EARS2: variants seen among roughly 807,000 people sequenced by gnomAD.
EARS2 encodes the protein nondiscriminating glutamyl-tRNA synthetase EARS2, mitochondrial.
A neutral mutation model predicts 54.1 loss-of-function variants in EARS2; 50 were observed. That is an observed-to-expected ratio of 0.92 (90% CI 0.74 to 1.17). EARS2 has a LOEUF of 1.17. Ranked by LOEUF, EARS2 falls within the 50% of genes most tolerant of loss-of-function variation. EARS2 has a pLI of 0.00. For synonymous variants in EARS2, 298 were observed against 281.0 expected, an observed-to-expected ratio of 1.06 and a Z score of -0.61; for missense variants, 673 against 675.0, an observed-to-expected ratio of 1.00 and a Z score of 0.03.
chr16:23,529,120 G>A (rs891118781), intron 7 of EARS2, among the ~76,000 whole-genome samples: 17 of 152,300 alleles, frequency 1.1e-4, no homozygotes, highest in Admixed American at 6.5e-4. Context: ...CTTTGGTTGC[G>A]TTTGTAATTG....
intron 3 of EARS2, among the ~76,000 whole-genome samples, chr16:23,543,421 A>AAAC (rs141806531): frequency 3.3e-5 from 5 of 150,422 alleles, no homozygotes; most frequent in East Asian, 1.9e-4. Context: ...CTATGAAAAA[A>AAAC]AACAACAACA....
chr16:23,554,783 C>T (rs980508677), intron 1 of EARS2, among the ~76,000 whole-genome samples: 6 of 152,226 alleles, frequency 3.9e-5, no homozygotes, highest in Non-Finnish European at 8.8e-5. Context: ...TTATTAGTTG[C>T]TACCCCTTGA....
rs1965168079 is a variant in EARS2 at position 23,523,155 on chromosome 16, GC to G, written c.*1215del. 1 of 152,294 alleles carries G rather than the reference GC, an allele frequency of 6.6e-6. No homozygotes were observed. Among genetic ancestry groups the G allele is most frequent in the South Asian group, 2.1e-4 (1 of 4,830 alleles). The allele number at this position is 152,294 out of a possible 1,614,324, so 9.4% of individuals were successfully genotyped here. A position where few individuals can be genotyped will look rare whatever the true frequency, so the allele number is the denominator to read the frequency against. On this transcript the variant is annotated 3_prime_UTR_variant, in exon 9 of 9. Transcript: ENST00000449606. ...CACACAAGGGTGTGAATAGAAGAAG[GC>G]AGGGATGGTTGGGGGCCAACTTAGA...
chr16:23,536,591 G>A (rs1965421426), intron 3 of EARS2, among the ~76,000 whole-genome samples: 1 of 152,076 alleles, frequency 6.6e-6, no homozygotes, highest in African/African-American at 2.4e-5. Flanking sequence ...GAGCCCAGGA[G>A]GTTGAGGCTG....
At chr16:23,557,176 G>A in intron 1 of EARS2, 29 bp downstream of exon 1, 1 of 1,504,732 alleles carries the variant, frequency 6.6e-7, no homozygotes, top group South Asian at 1.3e-5. Flanking sequence ...GGGGGCCTCG[G>A]CCTGTAGCGT....
At chr16:23,532,163 C>T (rs910606105) in intron 5 of EARS2, among the ~76,000 whole-genome samples, 5 of 152,104 alleles carry the variant, frequency 3.3e-5, no homozygotes, top group African/African-American at 4.8e-5. Flanking sequence ...TGAGTTGGAA[C>T]GATATTTGGA....
intron 3 of EARS2, 67 bp downstream of exon 3, chr16:23,544,447 T>C: frequency 1.4e-6 from 2 of 1,481,358 alleles, no homozygotes; most frequent in Non-Finnish European, 1.8e-6. Context: ...GGGAATTTCT[T>C]ACGCAGCACA....
intron 1 of EARS2, among the ~76,000 whole-genome samples, chr16:23,555,347 C>T (rs1310479423): frequency 6.6e-6 from 1 of 152,052 alleles, no homozygotes; most frequent in African/African-American, 2.4e-5. Flanking sequence ...ATTAGCTGGG[C>T]GTAGTGGTCA....
rs34422725 is a variant in EARS2 at position 23,550,435 on chromosome 16, C to CTTT, written c.295+1711_295+1713dup. 4.3e-3 allele frequency among the ~76,000 whole-genome samples: 429 copies of CTTT among 100,612 alleles called. 6 individuals carry two copies. The highest frequency in any genetic ancestry group is 8.8e-3 in the Middle Eastern group (1 of 114). The allele number at this position is 100,612 out of a possible 152,430, so 66.0% of individuals were successfully genotyped here. A position where few individuals can be genotyped will look rare whatever the true frequency, so the allele number is the denominator to read the frequency against. On this transcript the variant is annotated intron_variant, in intron 2 of 8. Transcript: ENST00000449606. ...TTTCCCTTGGCACTAAGCACATGGT[C>CTTT]TTTTTTTTTTTTTTTTTTTTGAGAC...
chr16:23,552,330 G>A, intron 1 of EARS2, 26 bp from the exon 2 acceptor site: 2 of 1,610,180 alleles, frequency 1.2e-6, no homozygotes, highest in East Asian at 2.2e-5. Flanking sequence ...GCTCAGATAA[G>A]ACAGGGAAGA....
intron 1 of EARS2, among the ~76,000 whole-genome samples, chr16:23,555,106 T>C (rs1266409505): frequency 6.6e-6 from 1 of 152,232 alleles, no homozygotes; most frequent in Non-Finnish European, 1.5e-5. Context: ...GTGGTTCGGC[T>C]GCATGAGCTT....
chr16:23,538,244 T>C (rs1043697120), intron 3 of EARS2, among the ~76,000 whole-genome samples: 5 of 152,072 alleles, frequency 3.3e-5, no homozygotes, highest in Non-Finnish European at 7.4e-5. Context: ...TGATCTTGGC[T>C]CACTGTAGCC....
chr16:23,544,543 C>T lies in EARS2; in HGVS notation c.456G>A (p.Lys152=), dbSNP rs779594247. 4 of 1,614,044 alleles carry T rather than the reference C, an allele frequency of 2.5e-6. No homozygotes were observed. The highest frequency in any genetic ancestry group is 2.5e-6 in the Non-Finnish European group (3 of 1,179,968). The change falls in exon 3 of 9, where the codon AAG becomes AAA. Residue 152 remains lysine, a synonymous_variant. Coordinates refer to ENST00000449606, the MANE Select transcript of EARS2 (RefSeq NM_001083614.2). ...CSPQRLELLK[K]EALRNHQTPR... ...GCGTCTGGTGGTTCCGCAAGGCCTC[C>T]TTCTTCAGGAGCTCCAGCCGCTGGG...
intron 2 of EARS2, among the ~76,000 whole-genome samples, chr16:23,547,286 TCCAG>T (rs1965619315): frequency 6.6e-6 from 1 of 152,084 alleles, no homozygotes; most frequent in Non-Finnish European, 1.5e-5. Flanking sequence ...ATATGAAACG[TCCAG>T]AAGAGGCAAA....
chr16:23,538,062 C>A (rs1431946437), intron 3 of EARS2, among the ~76,000 whole-genome samples: 2 of 149,978 alleles, frequency 1.3e-5, no homozygotes, highest in Non-Finnish European at 3.0e-5. Flanking sequence ...GGATTACAGG[C>A]ATGAGCCACC....
At chr16:23,556,099 G>A (rs527294748) in intron 1 of EARS2, among the ~76,000 whole-genome samples, 3 of 152,196 alleles carry the variant, frequency 2.0e-5, no homozygotes, top group Non-Finnish European at 4.4e-5. Flanking sequence ...AGGCTATACT[G>A]CCTGCCAGAA....
chr16:23,526,247 G>A (rs1965227218), intron 7 of EARS2, among the ~76,000 whole-genome samples: 1 of 151,156 alleles, frequency 6.6e-6, no homozygotes, highest in Admixed American at 6.6e-5. Context: ...TGAGTAGCTG[G>A]GATTACAGGC....
intron 7 of EARS2, among the ~76,000 whole-genome samples, chr16:23,529,040 G>A (rs1235541309): frequency 6.6e-6 from 1 of 152,210 alleles, no homozygotes; most frequent in Non-Finnish European, 1.5e-5. Flanking sequence ...GCATTAAGCT[G>A]TGCCTCAAGC....
Position 23,521,682 on chromosome 16 carries a change from CTTTTG to C in EARS2, c.*2684_*2688del. ...CACAAAGCATTAGGACGTATTTGTC[CTTTTG>C]TGACTGACATTTCATTTAGCATGAA... On this transcript the variant is annotated 3_prime_UTR_variant, in exon 9 of 9. Coordinates refer to ENST00000449606, the MANE Select transcript of EARS2 (RefSeq NM_001083614.2). 1 of 454,622 alleles carries C rather than the reference CTTTTG, an allele frequency of 2.2e-6. No homozygotes were observed. The highest frequency in any genetic ancestry group is 4.4e-6 in the Non-Finnish European group (1 of 226,116). 28.2% of individuals were successfully genotyped at this position (454,622 alleles called of 1,614,324 possible).
Sources: gnomAD v4.1 joint callset for allele counts (sites outside exome capture counted in the v4.1 genomes callset) on GRCh38, gnomAD v4.1.1 for gene constraint, MANE v1.5 for transcripts, NCBI Gene and HGNC (gene_info 2026-07-23, HGNC 2026-07-21) for gene names.